Variants in CPM observed in about 807,000 individuals in gnomAD.
CPM encodes renal carboxypeptidase.
In CPM, 35 loss-of-function variants were observed where a neutral mutation model predicts 46.4. The ratio of observed to expected loss-of-function variants is 0.75; its 90% confidence interval spans 0.58 to 1.00. The LOEUF (loss-of-function observed/expected upper bound fraction) is 1.00. CPM is among the 50% of genes least tolerant of loss of function. CPM has a pLI of 0.00. For missense variants in CPM, 422 were observed against 530.4 expected (o/e 0.80, Z 2.01); for synonymous variants, 195 against 195.3 (o/e 1.00, Z 0.01).
At position 68,871,819 on chromosome 12, in the gene CPM, G is replaced by A. The variant is rs763669339; in HGVS notation, c.396C>T (p.Ala132=). Residue 132 remains alanine, a synonymous_variant, in exon 4 of 9, where the codon GCC becomes GCT. Coordinates refer to ENST00000551568, the MANE Select transcript of CPM (RefSeq NM_198320.5). ...MPSMNPDGFE[A]VKKPDCYYSI... ...TGTAATAACAGTCAGGCTTTTTGACGGCTTCAAATCCATCTGGGTTCATGG... is the reference window on the plus strand; with the variant it reads ...TGTAATAACAGTCAGGCTTTTTGACAGCTTCAAATCCATCTGGGTTCATGG... The A allele has an allele frequency of 8.7e-6, 14 of 1,614,102 alleles. No individual in the cohort carries two copies. The Admixed American group carries it at 1.0e-4, about 12-fold the overall frequency.
chr12:68,866,141 A>G (rs1039133779), intron 7 of CPM, among the ~76,000 whole-genome samples: 1 of 152,156 alleles, frequency 6.6e-6, no homozygotes, highest in African/African-American at 2.4e-5. Flanking sequence ...CACCACCCCA[A>G]TTCTGGAAAA....
At position 68,910,069 on chromosome 12, in the gene CPM, G is replaced by GA. The variant is rs1046236828; in HGVS notation, c.160+22608dup. Among the ~76,000 whole-genome samples the GA allele has an allele frequency of 1.8e-4, 28 of 151,870 alleles. 1 individual carries two copies. The highest frequency in any genetic ancestry group is 7.9e-4 in the Admixed American group (12 of 15,246). The stretch of plus-strand genomic sequence containing the variant: ...CATCAATGAAAGAAAGAAACTTGAG[G>GA]AAAAAAATGCATGTACTTTTTGATT... On this transcript the variant is annotated intron_variant, in intron 2 of 8. Coordinates refer to ENST00000551568, the MANE Select transcript of CPM (RefSeq NM_198320.5).
At chr12:68,848,177 T>C (rs1365906541), downstream of CPM, 2 of 152,046 alleles carry the variant, frequency 1.3e-5, no homozygotes, top group African/African-American at 4.8e-5. Context: ...ATCTCACTGA[T>C]TGTGATTTTT....
At chr12:68,944,076 C>G (rs1022805025) in intron 1 of CPM, among the ~76,000 whole-genome samples, 3 of 152,136 alleles carry the variant, frequency 2.0e-5, no homozygotes, top group African/African-American at 7.2e-5. Context: ...TTGAAAACAG[C>G]ATACATCATA....
intron 1 of CPM, among the ~76,000 whole-genome samples, chr12:68,958,607 A>G (rs1051886673): frequency 7.2e-5 from 11 of 152,150 alleles, no homozygotes; most frequent in African/African-American, 2.4e-4. Context: ...CACTGCTGCC[A>G]TCTTGGTCCG....
chr12:68,849,983 C>T (rs1277663028), downstream of CPM: 1 of 152,152 alleles, frequency 6.6e-6, no homozygotes, highest in African/African-American at 2.4e-5. Context: ...AGTTGTCAAA[C>T]AGCAAACAAA....
chr12:68,910,098 T>C (rs1305242923), intron 2 of CPM, among the ~76,000 whole-genome samples: 2 of 152,188 alleles, frequency 1.3e-5, no homozygotes, highest in Non-Finnish European at 2.9e-5. Flanking sequence ...TTTGATTTAG[T>C]AGTGCCTATC....
chr12:68,895,087 T>C (rs1886815225), intron 2 of CPM, among the ~76,000 whole-genome samples: 1 of 151,670 alleles, frequency 6.6e-6, no homozygotes, highest in African/African-American at 2.4e-5. Flanking sequence ...ATAAAAATAT[T>C]GTCATATTTT....
Position 68,858,906 on chromosome 12 carries a change from T to C in CPM, c.1089+17A>G. On this transcript the variant is annotated intron_variant, in intron 8 of 8. Coordinates refer to ENST00000551568, the MANE Select transcript of CPM (RefSeq NM_198320.5). ...TCTATAATATTTTAATAACAATAAC[T>C]AGCATTGCATACTTACATTTATTAT... 1.4e-6 allele frequency: 2 copies of C among 1,393,004 alleles called. No individual in the cohort carries two copies. The highest frequency in any genetic ancestry group is 9.5e-7 in the Non-Finnish European group (1 of 1,051,290). 86.3% of individuals were successfully genotyped at this position (1,393,004 alleles called of 1,614,324 possible). A position where few individuals can be genotyped will look rare whatever the true frequency, so the allele number is the denominator to read the frequency against.
At chr12:68,956,036 G>A (rs1017784439) in intron 1 of CPM, among the ~76,000 whole-genome samples, 12 of 152,032 alleles carry the variant, frequency 7.9e-5, no homozygotes, top group African/African-American at 1.9e-4. Flanking sequence ...TGCCCTCCAC[G>A]GCACCCACAG....
intron 1 of CPM, among the ~76,000 whole-genome samples, chr12:68,954,134 G>A (rs1381308145): frequency 1.3e-5 from 2 of 152,134 alleles, no homozygotes; most frequent in African/African-American, 2.4e-5. Flanking sequence ...AGCTTTGTAG[G>A]TGGTGATAGA....
intron 2 of CPM, among the ~76,000 whole-genome samples, chr12:68,888,947 AAAG>A (rs748145828): frequency 1.3e-4 from 20 of 152,228 alleles, no homozygotes; most frequent in Non-Finnish European, 2.4e-4. Context: ...ACTTCAGGAG[AAAG>A]AAGAAGGAGA....
chr12:68,932,519 C>A (rs1005144145), intron 2 of CPM, among the ~76,000 whole-genome samples, 159 bp downstream of exon 2: 4 of 152,186 alleles, frequency 2.6e-5, no homozygotes, highest in African/African-American at 9.7e-5. Context: ...TTCCTCCCAA[C>A]AAAAGCAGAA....
In CPM at chr12:68,885,838, A is replaced by C. The variant is rs1041764773; in HGVS notation, c.212T>G (p.Ile71Ser). The change falls in exon 3 of 9, where the codon ATT becomes AGT. Residue 71 changes from isoleucine to serine, a missense_variant. Transcript: ENST00000551568. ...CACGTATTTGAACTCTGGAATCCCA[A>C]TTCTGTGTTCCTTTGGAAACCGCCC... The part of the protein sequence containing the change: ...VVGRFPKEHR[I>S]GIPEFKYVAN... The C allele has an allele frequency of 6.2e-7, 1 of 1,614,186 alleles. No homozygotes were observed. Among genetic ancestry groups the C allele is most frequent in the African/African-American group, 1.3e-5 (1 of 75,052 alleles).
At chr12:68,874,083 G>C (rs977136763) in intron 3 of CPM, among the ~76,000 whole-genome samples, 1 of 152,138 alleles carries the variant, frequency 6.6e-6, no homozygotes, top group Admixed American at 6.5e-5. Context: ...CGGGATTACT[G>C]TGTGAGCCAC....
Position 68,851,712 on chromosome 12 carries a change from G to C in CPM, c.*4725C>G, listed in dbSNP as rs1021962127. 6.6e-6 allele frequency: 1 copy of C among 152,046 alleles called. No homozygotes were observed. The highest frequency in any genetic ancestry group is 1.5e-5 in the Non-Finnish European group (1 of 67,998). The allele number at this position is 152,046 out of a possible 1,614,324, so 9.4% of individuals were successfully genotyped here. A position where few individuals can be genotyped will look rare whatever the true frequency, so the allele number is the denominator to read the frequency against. ...TGGAGTAGTTCATATGCAAAAGTAT[G>C]ATAAAATGGTGAGCAATACTGTACA... is the stretch of plus-strand genomic sequence containing the variant. On this transcript the variant is annotated 3_prime_UTR_variant, in exon 9 of 9. Coordinates refer to ENST00000551568, the MANE Select transcript of CPM (RefSeq NM_198320.5).
chr12:68,895,028 C>CA (rs35142646), intron 2 of CPM, among the ~76,000 whole-genome samples: 38,443 of 78,010 alleles, frequency 0.49, 9,440 homozygotes, highest in Non-Finnish European at 0.58. Flanking sequence ...GACTCAGTCT[C>CA]AAAAAAAAAA....
intron 2 of CPM, among the ~76,000 whole-genome samples, chr12:68,927,947 A>G (rs1272291359): frequency 1.3e-5 from 2 of 152,176 alleles, no homozygotes. Context: ...CATACTGCCC[A>G]AGGTAATTTA....
chr12:68,848,082 T>C (rs1884453446), downstream of CPM: 1 of 152,196 alleles, frequency 6.6e-6, no homozygotes, highest in Non-Finnish European at 1.5e-5. Context: ...TGAGCTATGA[T>C]TGCGCCACTA....
Sources: gnomAD v4.1 joint callset for allele counts (sites outside exome capture counted in the v4.1 genomes callset) on GRCh38, gnomAD v4.1.1 for gene constraint, MANE v1.5 for transcripts, NCBI Gene and HGNC (gene_info 2026-07-23, HGNC 2026-07-21) for gene names.